PTBP2: variants seen among roughly 807,000 people sequenced by gnomAD.
PTBP2 encodes the protein polypyrimidine tract binding protein 2.
A neutral mutation model predicts 61.4 loss-of-function variants in PTBP2; 13 were observed. The ratio of observed to expected loss-of-function variants is 0.21; its 90% CI spans 0.14 to 0.34. The LOEUF (loss-of-function observed/expected upper bound fraction) is 0.34, where lower values mean the gene tolerates loss of function less well. Ranked by LOEUF, PTBP2 falls within the 10% of genes least tolerant of loss-of-function variation. PTBP2 has a pLI of 1.00. For missense variants in PTBP2, 405 were observed against 642.6 expected, an observed-to-expected ratio of 0.63 and a Z score of 4.00; for synonymous variants, 215 against 218.5, an observed-to-expected ratio of 0.98 and a Z score of 0.14.
intron 3 of PTBP2, among the ~76,000 whole-genome samples, chr1:96,752,786 C>A (rs1366006589): frequency 6.6e-6 from 1 of 151,700 alleles, no homozygotes; most frequent in Non-Finnish European, 1.5e-5. Flanking sequence ...CAGTCTCCCC[C>A]CAAAACCAAA....
chr1:96,809,963 C>T (rs984115819), intron 11 of PTBP2, among the ~76,000 whole-genome samples: 1 of 151,622 alleles, frequency 6.6e-6, no homozygotes, highest in South Asian at 2.1e-4. Context: ...TTTGAAAAGA[C>T]TAAAAAAATA....
At chr1:96,730,529 A>T (rs1158503651) in intron 2 of PTBP2, among the ~76,000 whole-genome samples, 2 of 152,108 alleles carry the variant, frequency 1.3e-5, no homozygotes, top group Non-Finnish European at 2.9e-5. Flanking sequence ...TGTATTCATA[A>T]TTTTAGTTTT....
chr1:96,785,340 G>A (rs922125438), intron 8 of PTBP2, 86 bp downstream of exon 8: 2 of 1,078,540 alleles, frequency 1.9e-6, no homozygotes, highest in East Asian at 5.7e-5. Flanking sequence ...CCCCATTTTG[G>A]ACCTTACCAA....
chr1:96,736,385 A>T (rs1356116860), intron 2 of PTBP2, among the ~76,000 whole-genome samples: 2 of 152,132 alleles, frequency 1.3e-5, no homozygotes, highest in African/African-American at 4.8e-5. Context: ...TAAAAATATT[A>T]AATCATAACA....
intron 3 of PTBP2, among the ~76,000 whole-genome samples, chr1:96,764,584 C>T (rs2100987020): frequency 6.6e-6 from 1 of 152,272 alleles, no homozygotes; most frequent in South Asian, 2.1e-4. Flanking sequence ...TTAAACCATT[C>T]CATAGAGTCT....
At chr1:96,807,331 T>G (rs1001760526) in intron 11 of PTBP2, among the ~76,000 whole-genome samples, 2 of 152,222 alleles carry the variant, frequency 1.3e-5, no homozygotes. Flanking sequence ...CATGTTATTT[T>G]AATTCTTCTA....
intron 7 of PTBP2, among the ~76,000 whole-genome samples, chr1:96,784,470 G>A (rs920889544): frequency 1.3e-5 from 2 of 152,116 alleles, no homozygotes; most frequent in Admixed American, 1.3e-4. Context: ...AATGACATTG[G>A]ATTTGCTAAT....
At chr1:96,729,760 G>A (rs985407961) in intron 2 of PTBP2, among the ~76,000 whole-genome samples, 3 of 141,288 alleles carry the variant, frequency 2.1e-5, no homozygotes, top group Non-Finnish European at 3.0e-5. Context: ...TTTTTGAGAC[G>A]GAGCCTTGCT....
chr1:96,721,930 G>C (rs912346169), intron 1 of PTBP2, 58 bp downstream of exon 1: 1 of 1,555,252 alleles, frequency 6.4e-7, no homozygotes. Flanking sequence ...CCGTCCTTCG[G>C]CCCGGTCCCG....
At chr1:96,733,759 C>T (rs931932099) in intron 2 of PTBP2, among the ~76,000 whole-genome samples, 1 of 152,174 alleles carries the variant, frequency 6.6e-6, no homozygotes, top group Non-Finnish European at 1.5e-5. Context: ...TCCACTTATG[C>T]ATAGATCCAC....
rs1039262033 is a variant in PTBP2, at chr1:96,799,618, A to C, written c.905-5182A>C. On this transcript the variant is annotated intron_variant, in intron 8 of 13. Transcript: ENST00000674951. The stretch of plus-strand genomic sequence containing the variant: ...ATCTGCTGCCTTAGCTAAAGATGCA[A>C]ATCATTAAAGTTAAAATTATAATTT... 1.3e-4 allele frequency among the ~76,000 whole-genome samples: 20 copies of C among 152,256 alleles called. No homozygotes were observed. The East Asian group carries it at 3.3e-3, about 25-fold the overall frequency.
intron 3 of PTBP2, among the ~76,000 whole-genome samples, chr1:96,768,231 TATA>T (rs1424774506): frequency 1.3e-5 from 2 of 152,006 alleles, no homozygotes; most frequent in Non-Finnish European, 2.9e-5. Flanking sequence ...TCAGGAATCA[TATA>T]ATCATCTTGT....
At chr1:96,748,029 T>C (rs1414604095) in intron 2 of PTBP2, among the ~76,000 whole-genome samples, 2 of 152,168 alleles carry the variant, frequency 1.3e-5, no homozygotes, top group African/African-American at 4.8e-5. Flanking sequence ...TTCATCATCT[T>C]GGTGGCACCT....
intron 8 of PTBP2, among the ~76,000 whole-genome samples, chr1:96,791,826 C>CTTTTTTTTGTATTTTTTTT (rs1482989030): frequency 1.5e-5 from 1 of 66,128 alleles, no homozygotes; most frequent in African/African-American, 8.2e-5. Flanking sequence ...TGGAGTTGTG[C>CTTTTTTTTGTATTTTTTTT]TTTTTTTTTT....
intron 3 of PTBP2, among the ~76,000 whole-genome samples, chr1:96,752,220 TTTGA>T (rs1654636737): frequency 6.6e-6 from 1 of 152,086 alleles, no homozygotes; most frequent in Non-Finnish European, 1.5e-5. Flanking sequence ...AAATTTTGAA[TTTGA>T]TTATTATTAT....
chr1:96,751,918 C>T (rs940719051), intron 3 of PTBP2, among the ~76,000 whole-genome samples: 11 of 151,920 alleles, frequency 7.2e-5, no homozygotes, highest in Admixed American at 2.6e-4. Flanking sequence ...TTGTTTAAAA[C>T]CATTGCAACC....
chr1:96,748,394 A>G (rs1320214386), intron 2 of PTBP2, among the ~76,000 whole-genome samples: 3 of 152,134 alleles, frequency 2.0e-5, no homozygotes, highest in Non-Finnish European at 4.4e-5. Flanking sequence ...GTAACATTGA[A>G]ATGAGTGCTA....
At chr1:96,737,935 A>G (rs978666994) in intron 2 of PTBP2, among the ~76,000 whole-genome samples, 1 of 152,114 alleles carries the variant, frequency 6.6e-6, no homozygotes, top group South Asian at 2.1e-4. Context: ...TTAAATATTT[A>G]TGGGCCATTT....
intron 8 of PTBP2, among the ~76,000 whole-genome samples, chr1:96,796,385 CTT>C (rs1322228891): frequency 1.3e-5 from 2 of 151,462 alleles, no homozygotes; most frequent in East Asian, 1.9e-4. Context: ...CATTATATGT[CTT>C]TATGAAGCAA....
Sources: gnomAD v4.1 joint callset for allele counts (sites outside exome capture counted in the v4.1 genomes callset) on GRCh38, gnomAD v4.1.1 for gene constraint, MANE v1.5 for transcripts, NCBI Gene and HGNC (gene_info 2026-07-23, HGNC 2026-07-21) for gene names.